Variants in TTC31 observed in about 807,000 individuals in gnomAD.
TTC31 encodes the protein tetratricopeptide repeat domain 31, also known as tetratricopeptide repeat protein 31.
TTC31 carries 59 observed loss-of-function variants against 60.4 expected under a neutral mutation model. That is an observed-to-expected ratio of 0.98 (90% CI 0.79 to 1.21). TTC31 has a LOEUF of 1.21. TTC31 is among the 50% of genes most tolerant of loss of function. The pLI is 0.00. For synonymous variants in TTC31, 225 were observed against 249.6 expected (o/e 0.90, Z 0.93); for missense variants, 672 against 646.9 (o/e 1.04, Z -0.42).
In TTC31 at chr2:74,491,393, C is replaced by T. The variant is rs1298690046; in HGVS notation, c.684+18C>T. On this transcript the variant is annotated intron_variant, in intron 7 of 12. Coordinates refer to ENST00000233623, the MANE Select transcript of TTC31 (RefSeq NM_022492.6). ...AAGAAGAGGTGAGAGCCCCTTTTTTCCCTTCTTGGTCTCTGCTCATTTTCC... is the reference window on the plus strand; with the variant it reads ...AAGAAGAGGTGAGAGCCCCTTTTTTTCCTTCTTGGTCTCTGCTCATTTTCC... 2 of 1,613,922 alleles carry T rather than the reference C, an allele frequency of 1.2e-6. No homozygotes were observed. The highest frequency in any genetic ancestry group is 1.3e-5 in the African/African-American group (1 of 74,918).
chr2:74,488,466 T>C (rs756304202), intron 2 of TTC31, among the ~76,000 whole-genome samples: 9 of 152,194 alleles, frequency 5.9e-5, no homozygotes, highest in Non-Finnish European at 8.8e-5. Flanking sequence ...AGGAATGTGA[T>C]CATTCCTGTC....
At chr2:74,487,373 C>T (rs2104163359) in intron 2 of TTC31, among the ~76,000 whole-genome samples, 1 of 152,168 alleles carries the variant, frequency 6.6e-6, no homozygotes, top group African/African-American at 2.4e-5. Context: ...TGCGTGCCAC[C>T]ACACCTGCTT....
rs375548262 is a variant in TTC31, at chr2:74,488,007, C to T, written c.130-2018C>T. On this transcript the variant is annotated intron_variant, in intron 2 of 12. Transcript: ENST00000233623. The stretch of plus-strand genomic sequence containing the variant: ...ATTTATTTATCGAGACAGGGTCTCC[C>T]TCTGTTACCCAGGCTTCAGTGCAGT... 2.4e-3 allele frequency among the ~76,000 whole-genome samples: 367 copies of T among 152,312 alleles called. 2 individuals carry two copies. Among genetic ancestry groups the T allele is most frequent in the Middle Eastern group, 6.8e-3 (2 of 294 alleles).
chr2:74,485,088 G>A (rs1444380951), intron 2 of TTC31, among the ~76,000 whole-genome samples: 1 of 146,748 alleles, frequency 6.8e-6, no homozygotes, highest in African/African-American at 2.5e-5. Flanking sequence ...GTGCAGTGGC[G>A]CCATCTCTAC....
At chr2:74,484,982 C>G (rs1672914532) in intron 2 of TTC31, among the ~76,000 whole-genome samples, 1 of 151,038 alleles carries the variant, frequency 6.6e-6, no homozygotes, top group South Asian at 2.1e-4. Flanking sequence ...ATTTTATATC[C>G]CTTTCTTTTA....
intron 2 of TTC31, among the ~76,000 whole-genome samples, chr2:74,488,351 G>A (rs747919579): frequency 2.8e-4 from 43 of 151,904 alleles, no homozygotes; most frequent in African/African-American, 8.7e-4. Context: ...TTTTTAGCAC[G>A]CTGGAGTTTC....
In TTC31 at chr2:74,492,157, C is replaced by T. The variant is rs757022529; in HGVS notation, c.947C>T (p.Ala316Val). ...QELAKLGTSF[A>V]QNGFYHEAVV... The stretch of plus-strand genomic sequence containing the variant: ...TTTCCAGAGTTGGGTACCAGCTTTG[C>T]TCAAAATGGTTTCTACCATGAGGCC... The change falls in exon 10 of 13, where the codon GCT becomes GTT. Residue 316 changes from alanine to valine, a missense_variant. By Grantham distance (64) the Ala-to-Val change is moderately conservative (BLOSUM62 0). Transcript: ENST00000233623. 1.9e-5 allele frequency: 31 copies of T among 1,614,098 alleles called. No individual in the cohort carries two copies. Among genetic ancestry groups the T allele is most frequent in the Non-Finnish European group, 2.5e-5 (30 of 1,180,048 alleles).
chr2:74,489,343 G>A (rs1673533931), intron 2 of TTC31, among the ~76,000 whole-genome samples: 1 of 152,204 alleles, frequency 6.6e-6, no homozygotes, highest in African/African-American at 2.4e-5. Context: ...GAGAGCAGCT[G>A]GGGGAAGGCC....
intron 2 of TTC31, among the ~76,000 whole-genome samples, chr2:74,484,974 T>C (rs1237350306): frequency 6.6e-6 from 1 of 151,978 alleles, no homozygotes; most frequent in Non-Finnish European, 1.5e-5. Context: ...TGATAATCAT[T>C]TTATATCCCT....
chr2:74,483,178 G>C, intron 1 of TTC31, 43 bp downstream of exon 1: 1 of 1,614,062 alleles, frequency 6.2e-7, no homozygotes, highest in Non-Finnish European at 8.5e-7. Context: ...GGAGGGCAGA[G>C]GCAGCCCCTC....
intron 1 of TTC31, 61 bp from the exon 2 acceptor site, chr2:74,483,261 G>A: frequency 1.9e-6 from 3 of 1,612,996 alleles, no homozygotes; most frequent in Middle Eastern, 1.9e-4. Flanking sequence ...GGTAGAGTGG[G>A]GAGGACTCTA....
rs1674075629 is a variant in TTC31, at chr2:74,492,741, C to T, written c.1257C>T (p.Leu419=). ...ARELRSCLLH[L]TLQGQRGGIC... The stretch of plus-strand genomic sequence containing the variant: ...AGCTCCGCTCTTGCCTTCTCCACCT[C>T]ACACTGGTAAGGGGGCCAGGCACAC... The change falls in exon 12 of 13, where the codon CTC becomes CTT. Residue 419 remains leucine (L), a synonymous_variant. Transcript: ENST00000233623. 6.2e-7 allele frequency: 1 copy of T among 1,614,106 alleles called. No homozygotes were observed. The highest frequency in any genetic ancestry group is 8.5e-7 in the Non-Finnish European group (1 of 1,179,982).
At chr2:74,489,999 T>TCCCCACCCCCCC in intron 2 of TTC31, 26 bp from the exon 3 acceptor site, 1 of 1,367,292 alleles carries the variant, frequency 7.3e-7, no homozygotes, top group Non-Finnish European at 1.0e-6. Context: ...AACACCAGCC[T>TCCCCACCCCCCC]CCCCTCCCCT....
chr2:74,491,602 T>C lies in TTC31; in HGVS notation c.806T>C (p.Leu269Pro), dbSNP rs950918154. The C allele has an allele frequency of 6.2e-6, 10 of 1,614,072 alleles. No individual in the cohort carries two copies. The highest frequency in any genetic ancestry group is 7.6e-6 in the Non-Finnish European group (9 of 1,180,000). Residue 269 changes from leucine to proline, a missense_variant, in exon 8 of 13, where the codon CTC becomes CCC. Leu to Pro is a moderately conservative substitution (Grantham distance 98). Coordinates refer to ENST00000233623, the MANE Select transcript of TTC31 (RefSeq NM_022492.6). ...NQEPQGRGLALQKMGQEEESP... is the reference protein window; with the variant it reads ...NQEPQGRGLAPQKMGQEEESP... ...GAGCCCCAAGGCAGGGGTCTGGCCC[T>C]CCAGAAGATGGGTCAAGAGGAAGAG...
In TTC31 at chr2:74,491,200, A is replaced by G. The variant is rs1389150021; in HGVS notation, c.603+16A>G. On this transcript the variant is annotated intron_variant, in intron 6 of 12. Transcript: ENST00000233623. Reference sequence around the variant, plus strand: ...GGAGCCCAAGGTGAGTATCTAGGGCAGGTACTAAGAGCACCAAGTGCCAGG... The same window carrying G: ...GGAGCCCAAGGTGAGTATCTAGGGCGGGTACTAAGAGCACCAAGTGCCAGG... 6.2e-7 allele frequency: 1 copy of G among 1,614,052 alleles called. No homozygotes were observed. Among genetic ancestry groups the G allele is most frequent in the Non-Finnish European group, 8.5e-7 (1 of 1,180,026 alleles).
intron 8 of TTC31, 98 bp from the exon 9 acceptor site, chr2:74,491,906 G>C (rs1673940418): frequency 6.3e-7 from 1 of 1,580,578 alleles, no homozygotes. Context: ...TACATGAGTT[G>C]GGTAATGCTA....
chr2:74,490,046 C>G lies in TTC31; in HGVS notation c.151C>G (p.Arg51Gly), dbSNP rs368419493. ...GEEDIVDFLR[R>G]LVESDPQGLH... ...CCAGGACATAGTGGATTTTCTTCGACGGCTTGTGGAGAGTGATCCCCAGGG... is the reference window on the plus strand; with the variant it reads ...CCAGGACATAGTGGATTTTCTTCGAGGGCTTGTGGAGAGTGATCCCCAGGG... The change falls in exon 3 of 13, where the codon CGG (arginine) becomes GGG (glycine). Residue 51 changes from arginine (R) to glycine (G), a missense_variant. Coordinates refer to ENST00000233623, the MANE Select transcript of TTC31 (RefSeq NM_022492.6). 1.9e-6 allele frequency: 3 copies of G among 1,559,964 alleles called. No homozygotes were observed. The Admixed American group carries it at 5.8e-5, about 30-fold the overall frequency.
chr2:74,483,180 C>G (rs1182007586), intron 1 of TTC31, 45 bp downstream of exon 1: 7 of 1,613,610 alleles, frequency 4.3e-6, no homozygotes, highest in African/African-American at 4.0e-5. Context: ...AGGGCAGAGG[C>G]AGCCCCTCTT....
rs767244252 is a variant in TTC31, at chr2:74,491,102, C to CA, written c.547-25dup. 5.0e-6 allele frequency: 8 copies of CA among 1,613,920 alleles called. No homozygotes were observed. In the African/African-American group the frequency reaches 1.1e-4, roughly 22 times the overall value. On this transcript the variant is annotated intron_variant, in intron 5 of 12. Coordinates refer to ENST00000233623, the MANE Select transcript of TTC31 (RefSeq NM_022492.6). ...CGACATACAGTAAGTGTTCAAAATA[C>CA]ATCATTGTTACCATTACTATTGCAG...
Sources: gnomAD v4.1 joint callset for allele counts (sites outside exome capture counted in the v4.1 genomes callset) on GRCh38, gnomAD v4.1.1 for gene constraint, MANE v1.5 for transcripts, NCBI Gene and HGNC (gene_info 2026-07-23, HGNC 2026-07-21) for gene names.